UTRN: variants seen among roughly 807,000 people sequenced by gnomAD.
UTRN encodes utrophin, also known as dystrophin-related protein 1.
A neutral mutation model predicts 463.9 loss-of-function variants in UTRN; 283 were observed. That is an observed-to-expected ratio of 0.61 (90% CI 0.55 to 0.67). The LOEUF (loss-of-function observed/expected upper bound fraction) is 0.67, where lower values mean the gene tolerates loss of function less well. UTRN is among the 30% of genes least tolerant of loss of function. The pLI is 0.00. For synonymous variants in UTRN, 1,442 were observed against 1,431.5 expected, an observed-to-expected ratio of 1.01 and a Z score of -0.17; for missense variants, 3,922 against 4,084.3, an observed-to-expected ratio of 0.96 and a Z score of 1.08.
intron 52 of UTRN, among the ~76,000 whole-genome samples, chr6:144,683,698 C>T (rs1276394312): frequency 6.6e-6 from 1 of 152,184 alleles, no homozygotes; most frequent in African/African-American, 2.4e-5. Context: ...TCGCTTGAAA[C>T]TCTTTTCAAT....
chr6:144,710,608 C>T (rs576593991), intron 53 of UTRN, among the ~76,000 whole-genome samples: 1 of 152,304 alleles, frequency 6.6e-6, no homozygotes, highest in East Asian at 1.9e-4. Flanking sequence ...ATAATAAATA[C>T]TTTGTTCAGT....
intron 2 of UTRN, among the ~76,000 whole-genome samples, chr6:144,339,091 T>C (rs138530825): frequency 1.3e-3 from 192 of 152,334 alleles, no homozygotes; most frequent in African/African-American, 4.4e-3. Context: ...AGAGTTCTGG[T>C]TCAGCAGCAC....
chr6:144,534,360 G>A (rs1284573390), intron 43 of UTRN, among the ~76,000 whole-genome samples: 1 of 152,138 alleles, frequency 6.6e-6, no homozygotes, highest in Non-Finnish European at 1.5e-5. Context: ...TAAGTAACTT[G>A]TCCAAGATCT....
intron 53 of UTRN, among the ~76,000 whole-genome samples, chr6:144,717,640 T>C (rs1006966448): frequency 1.4e-5 from 2 of 141,446 alleles, no homozygotes; most frequent in Non-Finnish European, 3.1e-5. Flanking sequence ...TTTTCTTTTT[T>C]TTTTTTTTTT....
chr6:144,522,133 A>G lies in UTRN; in HGVS notation c.5695A>G (p.Ile1899Val), dbSNP rs903838712. The change falls in exon 40 of 75, where the codon ATT becomes GTT. Residue 1899 changes from isoleucine (I) to valine (V), a missense_variant. By Grantham distance (29) the Ile-to-Val change is conservative. Around this residue, in one of 3 missense-constraint regions of UTRN, gnomAD observed 2,349 missense variants for 2,303.8 expected, o/e 1.02. Coordinates refer to ENST00000367545, the MANE Select transcript of UTRN (RefSeq NM_007124.3). ...SLNVPELNTAIYEDFSFQEDS... is the reference protein window; with the variant it reads ...SLNVPELNTAVYEDFSFQEDS... ...TAATGTTCCAGAGCTCAACACTGCTATTTACGAAGACTTCTCTTTTCAGGA... is the reference window on the plus strand; with the variant it reads ...TAATGTTCCAGAGCTCAACACTGCTGTTTACGAAGACTTCTCTTTTCAGGA... The G allele has an allele frequency of 1.3e-6, 2 of 1,557,102 alleles. No homozygotes were observed. Among genetic ancestry groups the G allele is most frequent in the Non-Finnish European group, 1.7e-6 (2 of 1,153,058 alleles).
chr6:144,335,569 T>G (rs1360634845), intron 2 of UTRN, among the ~76,000 whole-genome samples: 1 of 152,166 alleles, frequency 6.6e-6, no homozygotes, highest in African/African-American at 2.4e-5. Flanking sequence ...TCTATAGCAC[T>G]TGCCTTGCCT....
chr6:144,551,895 A>G (rs1055804472), intron 48 of UTRN, among the ~76,000 whole-genome samples: 1 of 152,128 alleles, frequency 6.6e-6, no homozygotes, highest in Non-Finnish European at 1.5e-5. Flanking sequence ...GTGCAATTCT[A>G]CGCAGCAGCT....
intron 51 of UTRN, chr6:144,583,360 T>TA (rs1307021394): frequency 1.9e-6 from 1 of 528,572 alleles, no homozygotes; most frequent in Admixed American, 3.3e-5. Flanking sequence ...TAACCCCCTG[T>TA]ATCTTTCAAA....
intron 2 of UTRN, among the ~76,000 whole-genome samples, chr6:144,313,588 T>C (rs1418181164): frequency 6.6e-6 from 1 of 152,186 alleles, no homozygotes; most frequent in Non-Finnish European, 1.5e-5. Context: ...GCACCCAAGT[T>C]TGTGGTCAGT....
At chr6:144,373,209 T>G (rs770535557) in intron 2 of UTRN, among the ~76,000 whole-genome samples, 1 of 152,130 alleles carries the variant, frequency 6.6e-6, no homozygotes, top group Non-Finnish European at 1.5e-5. Flanking sequence ...ACACAAAAAC[T>G]TGTACATGGA....
At chr6:144,592,563 G>C (rs1803202584) in intron 51 of UTRN, among the ~76,000 whole-genome samples, 1 of 152,042 alleles carries the variant, frequency 6.6e-6, no homozygotes, top group Non-Finnish European at 1.5e-5. Context: ...TAGAGACGGA[G>C]TTTCACCATG....
Position 144,462,877 on chromosome 6 carries a change from A to C in UTRN, c.3066+11A>C. On this transcript the variant is annotated intron_variant, in intron 23 of 74. Transcript: ENST00000367545. ...CTCAGAGCTTTTGAGGTAAATCCAG[A>C]GGCCACTGGGAGTTTAAGTTTATTA... is the stretch of plus-strand genomic sequence containing the variant. 1 of 1,593,444 alleles carries C rather than the reference A, an allele frequency of 6.3e-7. No homozygotes were observed. The highest frequency in any genetic ancestry group is 8.5e-7 in the Non-Finnish European group (1 of 1,173,190).
intron 51 of UTRN, among the ~76,000 whole-genome samples, chr6:144,632,968 G>A (rs1012848295): frequency 6.6e-5 from 10 of 152,084 alleles, no homozygotes; most frequent in African/African-American, 2.2e-4. Context: ...TGATCTGCCC[G>A]CTTTGGCCTC....
intron 58 of UTRN, chr6:144,758,405 C>T (rs1187718886): frequency 1.3e-5 from 2 of 152,688 alleles, no homozygotes; most frequent in Non-Finnish European, 2.9e-5. Flanking sequence ...ATTTTTCTTC[C>T]TCTAAGAAAA....
chr6:144,308,183 T>C (rs1046577715), intron 2 of UTRN, among the ~76,000 whole-genome samples: 3 of 152,166 alleles, frequency 2.0e-5, no homozygotes, highest in African/African-American at 7.2e-5. Flanking sequence ...CTTGTTTTAG[T>C]GATTTGGGTG....
chr6:144,638,980 TG>T (rs1447645513), intron 51 of UTRN, among the ~76,000 whole-genome samples: 2 of 152,068 alleles, frequency 1.3e-5, no homozygotes, highest in Non-Finnish European at 2.9e-5. Flanking sequence ...GTGGCTGAGG[TG>T]GGAGGATTGC....
intron 30 of UTRN, 144 bp from the exon 31 acceptor site, chr6:144,489,927 A>G (rs1307292573): frequency 6.5e-6 from 8 of 1,235,350 alleles, no homozygotes; most frequent in Middle Eastern, 3.0e-4. Context: ...GCCTACAAAA[A>G]CTTATTAAAG....
chr6:144,433,967 G>C (rs1786247523), intron 9 of UTRN, among the ~76,000 whole-genome samples: 2 of 152,158 alleles, frequency 1.3e-5, no homozygotes, highest in Admixed American at 1.3e-4. Flanking sequence ...CTGCAGTCTC[G>C]GCACTTTGGG....
chr6:144,816,752 T>A (rs1410349869), intron 65 of UTRN, among the ~76,000 whole-genome samples: 60 of 108,486 alleles, frequency 5.5e-4, no homozygotes, highest in African/African-American at 2.2e-3. Flanking sequence ...TTTTTTTAAA[T>A]TTTTTTTTAT....
Sources: allele counts gnomAD v4.1 joint callset (sites outside exome capture counted in the v4.1 genomes callset), GRCh38; gene constraint gnomAD v4.1.1; regional missense constraint gnomAD v4.1.1; transcripts MANE v1.5; gene names NCBI Gene and HGNC (gene_info 2026-07-23, HGNC 2026-07-21).